FYCO1: variants seen among roughly 807,000 people sequenced by gnomAD.
FYCO1 encodes FYVE and coiled-coil domain-containing protein 1.
FYCO1 carries 122 observed loss-of-function variants against 165.1 expected under a neutral mutation model. The observed-to-expected ratio is 0.74, with a 90% CI of 0.64 to 0.86. The LOEUF (loss-of-function observed/expected upper bound fraction) is 0.86, where lower values mean the gene tolerates loss of function less well. Ranked by LOEUF, FYCO1 falls within the 40% of genes least tolerant of loss-of-function variation. FYCO1 has a pLI of 0.00. For missense variants in FYCO1, 1,702 were observed against 1,810.3 expected (o/e 0.94, Z 1.09); for synonymous variants, 648 against 742.5 (o/e 0.87, Z 2.07).
intron 1 of FYCO1, among the ~76,000 whole-genome samples, chr3:45,986,603 C>G (rs931266289): frequency 3.9e-5 from 6 of 152,166 alleles, no homozygotes; most frequent in African/African-American, 1.4e-4. Context: ...GACACATGCC[C>G]GTACCACAGT....
chr3:45,950,168 C>A (rs1279542502), intron 14 of FYCO1, among the ~76,000 whole-genome samples: 1 of 152,048 alleles, frequency 6.6e-6, no homozygotes, highest in Non-Finnish European at 1.5e-5. Context: ...CAGCACATGG[C>A]ATCAGAGGCC....
chr3:45,956,014 G>GA (rs35257780), intron 13 of FYCO1, among the ~76,000 whole-genome samples: 13,525 of 152,168 alleles, frequency 0.089, 1,010 homozygotes, highest in South Asian at 0.35. Context: ...ATATGTCACG[G>GA]AAAAATGTGA....
At position 45,928,716 on chromosome 3, in the gene FYCO1, T is replaced by C. The variant is rs536502391; in HGVS notation, c.4251+2355A>G. Among the ~76,000 whole-genome samples the C allele has an allele frequency of 2.0e-5, 3 of 152,230 alleles. No individual in the cohort carries two copies. In the South Asian group the frequency reaches 6.2e-4, roughly 32 times the overall value. On this transcript the variant is annotated intron_variant, in intron 16 of 17. Transcript: ENST00000296137. Reference sequence around the variant, plus strand: ...CTTCATCATCGCCCAGGGGTCTCCTTTCCTCATCTCTGTTCCCCAGGCTGG... The same window carrying C: ...CTTCATCATCGCCCAGGGGTCTCCTCTCCTCATCTCTGTTCCCCAGGCTGG...
Position 45,964,246 on chromosome 3 carries a change from C to G in FYCO1, c.3269+90G>C, listed in dbSNP as rs961695639. ...TTTCTTGCAAAAGGACTTCCTAAAC[C>G]TAATATGAGTGACTGACTTTCTAAA... On this transcript the variant is annotated intron_variant, in intron 10 of 17. Transcript: ENST00000296137. The surrounding 1 kb of genome is among the most constrained non-coding windows in gnomAD (Gnocchi z 4.1). The G allele has an allele frequency of 2.9e-6, 3 of 1,046,188 alleles. No homozygotes were observed. The highest frequency in any genetic ancestry group is 4.5e-6 in the Non-Finnish European group (3 of 664,596). 64.8% of individuals were successfully genotyped at this position (1,046,188 alleles called of 1,614,324 possible).
chr3:45,953,557 G>A (rs1414963405), intron 14 of FYCO1, among the ~76,000 whole-genome samples: 1 of 152,158 alleles, frequency 6.6e-6, no homozygotes, highest in Admixed American at 6.5e-5. Flanking sequence ...TGAAAACCTT[G>A]TTGGCAAATA....
At chr3:45,931,329 T>C (rs1344088334) in intron 15 of FYCO1, 48 bp from the exon 16 acceptor site, 1 of 1,565,648 alleles carries the variant, frequency 6.4e-7, no homozygotes, top group South Asian at 1.1e-5. Flanking sequence ...GCAAAGTGTT[T>C]GTGTCCACTG....
At chr3:45,934,315 C>T (rs1347904237) in intron 15 of FYCO1, among the ~76,000 whole-genome samples, 1 of 152,066 alleles carries the variant, frequency 6.6e-6, no homozygotes, top group Non-Finnish European at 1.5e-5. Flanking sequence ...ATAGGAAAAA[C>T]CCAAAGAAAT....
intron 17 of FYCO1, 82 bp from the exon 18 acceptor site, chr3:45,921,922 T>A: frequency 1.2e-6 from 1 of 862,022 alleles, no homozygotes; most frequent in Non-Finnish European, 2.0e-6. Flanking sequence ...GAGGCCTCTG[T>A]GGTCACTGCA....
chr3:45,937,192 C>T (rs558417175), intron 14 of FYCO1, among the ~76,000 whole-genome samples: 3 of 152,312 alleles, frequency 2.0e-5, no homozygotes, highest in East Asian at 3.9e-4. Flanking sequence ...TGCCTCAGAG[C>T]CCAACCAGCT....
chr3:45,965,080 G>C lies in FYCO1; in HGVS notation c.3103C>G (p.Gln1035Glu). Residue 1035 changes from glutamine (Q) to glutamate (E), a missense_variant, in exon 9 of 18, where the codon CAA becomes GAA. Transcript: ENST00000296137. ...CKSLRGQLEE[Q>E]GRQLQAAEEA... ...TCAGCAGCCTGCAGCTGCCGGCCTT[G>C]CTCCTCAAGCTGGCCCCTGAGGCTC... 7 of 1,614,110 alleles carry C rather than the reference G, an allele frequency of 4.3e-6. No homozygotes were observed. The highest frequency in any genetic ancestry group is 5.1e-6 in the Non-Finnish European group (6 of 1,180,006).
rs140458652 is a variant in FYCO1 at position 45,923,701 on chromosome 3, C to T, written c.4316G>A (p.Arg1439His). Residue 1439 changes from arginine to histidine, a missense_variant, in exon 17 of 18, where the codon CGC becomes CAC. Physicochemically the swap from Arg to His is conservative, Grantham distance 29. Coordinates refer to ENST00000296137, the MANE Select transcript of FYCO1 (RefSeq NM_024513.4). The stretch of plus-strand genomic sequence containing the variant: ...GATGAGCATGTAGATGCCGGGTGTG[C>T]GAACCTTGAGCTGGCCCTGGATGTT... ...KENIQGQLKVRTPGIYMLIFD... is the reference protein window; with the variant it reads ...KENIQGQLKVHTPGIYMLIFD... The T allele has an allele frequency of 8.2e-5, 133 of 1,614,106 alleles. No individual in the cohort carries two copies. The highest frequency in any genetic ancestry group is 9.7e-5 in the Non-Finnish European group (115 of 1,179,974).
chr3:45,965,983 A>G (rs1443073998), intron 8 of FYCO1, among the ~76,000 whole-genome samples: 2 of 152,206 alleles, frequency 1.3e-5, no homozygotes, highest in African/African-American at 4.8e-5. Context: ...TGCTCTTTCA[A>G]TGTTGGCTAC....
At position 45,967,627 on chromosome 3, in the gene FYCO1, C is replaced by T. The variant is rs1329319361; in HGVS notation, c.1707G>A (p.Glu569=). The T allele has an allele frequency of 9.9e-6, 16 of 1,613,940 alleles. No individual in the cohort carries two copies. The highest frequency in any genetic ancestry group is 1.4e-5 in the Non-Finnish European group (16 of 1,180,050). Residue 569 remains glutamate, a synonymous_variant, in exon 8 of 18, where the codon GAG becomes GAA. Coordinates refer to ENST00000296137, the MANE Select transcript of FYCO1 (RefSeq NM_024513.4). The part of the protein sequence containing the change: ...PPGPELPVAG[E]KNEALVPVNS... ...TCACAGGGACCAGGGCCTCATTCTT[C>T]TCACCTGCCACTGGCAGTTCTGGGC...
rs1703618730 is a variant in FYCO1, at chr3:45,931,372, G to A, written c.4041-91C>T. Reference sequence around the variant, plus strand: ...CATCTGTGGCTCAGAGGTGGCTGGAGACTTCGGAGACTCTTGAGAGGACAA... The same window carrying A: ...CATCTGTGGCTCAGAGGTGGCTGGAAACTTCGGAGACTCTTGAGAGGACAA... On this transcript the variant is annotated intron_variant, in intron 15 of 17. Transcript: ENST00000296137. 4 of 1,182,290 alleles carry A rather than the reference G, an allele frequency of 3.4e-6. No individual in the cohort carries two copies. In the Admixed American group the frequency reaches 5.8e-5, roughly 17 times the overall value. The allele number at this position is 1,182,290 out of a possible 1,614,324, so 73.2% of individuals were successfully genotyped here. A position where few individuals can be genotyped will look rare whatever the true frequency, so the allele number is the denominator to read the frequency against.
rs1043334916 is a variant in FYCO1 at position 45,995,815 on chromosome 3, C to G, written c.-206G>C. On this transcript the variant is annotated 5_prime_UTR_variant, in exon 1 of 18. Transcript: ENST00000296137. Reference sequence around the variant, plus strand: ...GGTGCTGACGGCCATGACGCGCACACCAAGAGGGTGGCGGGGGCGGACTAC... The same window carrying G: ...GGTGCTGACGGCCATGACGCGCACAGCAAGAGGGTGGCGGGGGCGGACTAC... The G allele has an allele frequency of 6.6e-6, 1 of 152,618 alleles. No homozygotes were observed. The highest frequency in any genetic ancestry group is 2.4e-5 in the African/African-American group (1 of 41,454). The allele number at this position is 152,618 out of a possible 1,614,324, so 9.5% of individuals were successfully genotyped here. A position where few individuals can be genotyped will look rare whatever the true frequency, so the allele number is the denominator to read the frequency against.
intron 14 of FYCO1, among the ~76,000 whole-genome samples, chr3:45,949,244 C>A (rs1449154992): frequency 6.6e-6 from 1 of 152,190 alleles, no homozygotes; most frequent in Non-Finnish European, 1.5e-5. Context: ...AGTGCTTCCT[C>A]CAACTACAAA....
chr3:45,957,860 GTT>G (rs1383138599), intron 13 of FYCO1, among the ~76,000 whole-genome samples: 2 of 152,384 alleles, frequency 1.3e-5, no homozygotes, highest in Admixed American at 1.3e-4. Context: ...GCCTCCCTGT[GTT>G]CCACATTCAA....
chr3:45,958,331 ACTAACTAGC>A, intron 13 of FYCO1, 68 bp downstream of exon 13: 1 of 1,312,012 alleles, frequency 7.6e-7, no homozygotes, highest in Non-Finnish European at 1.1e-6. Context: ...GCTTATTAGC[ACTAACTAGC>A]CACAACATCG....
rs2125870555 is a variant in FYCO1, at chr3:45,981,581, A to G, written c.151T>C (p.Tyr51His). 6.2e-7 allele frequency: 1 copy of G among 1,601,974 alleles called. No individual in the cohort carries two copies. Among genetic ancestry groups the G allele is most frequent in the South Asian group, 1.1e-5 (1 of 90,822 alleles). ...CAGGCATCACTTACTTGCAGGAGAT[A>G]CTCAAGTTTATAAGAAAATTTATGC... ...SLHKFSYKLE[Y>H]LLQFDQKEKA... is the part of the protein sequence containing the mutation. Residue 51 changes from tyrosine to histidine, a missense_variant, in exon 3 of 18, where the codon TAT becomes CAT. By Grantham distance (83) the Tyr-to-His change is moderately conservative. Coordinates refer to ENST00000296137, the MANE Select transcript of FYCO1 (RefSeq NM_024513.4).
Sources: allele counts gnomAD v4.1 joint callset (sites outside exome capture counted in the v4.1 genomes callset), GRCh38; gene constraint gnomAD v4.1.1; non-coding constraint Gnocchi (gnomAD v3.1); transcripts MANE v1.5; gene names NCBI Gene and HGNC (gene_info 2026-07-23, HGNC 2026-07-21).